ZNF704: variants seen among roughly 807,000 people sequenced by gnomAD.
ZNF704 encodes glucocorticoid induced gene 1.
A neutral mutation model predicts 44.7 loss-of-function variants in ZNF704; 10 were observed. The observed-to-expected ratio is 0.22, with a 90% CI of 0.14 to 0.38. The LOEUF is 0.38. Among genes scored for constraint, ZNF704 ranks in the 10% least tolerant of loss-of-function variants. The pLI, the probability that ZNF704 is intolerant of heterozygous loss-of-function variation, is 1.00. For missense variants in ZNF704, 390 were observed against 545.5 expected, an observed-to-expected ratio of 0.71 and a Z score of 2.84; for synonymous variants, 211 against 207.6, an observed-to-expected ratio of 1.02 and a Z score of -0.14.
At chr8:80,832,739 T>C (rs570352601) in intron 1 of ZNF704, among the ~76,000 whole-genome samples, 3 of 151,214 alleles carry the variant, frequency 2.0e-5, no homozygotes, top group Admixed American at 6.6e-5. Context: ...TAGCAAACAA[T>C]AGGAGGCTAA....
rs1349727942 is a variant in ZNF704, at chr8:80,676,617, TTG to T, written c.559-6016_559-6015del. 2.0e-5 allele frequency among the ~76,000 whole-genome samples: 3 copies of T among 152,184 alleles called. No individual in the cohort carries two copies. In the South Asian group the frequency reaches 6.2e-4, roughly 32 times the overall value. The stretch of plus-strand genomic sequence containing the variant: ...CAGAACTGATGACAAAGAGGGAAGG[TTG>T]TGTATGAAGTTTGAGGATACTTGAG... On this transcript the variant is annotated intron_variant, in intron 4 of 8. Transcript: ENST00000327835.
At chr8:80,696,478 T>C (rs997379153) in intron 2 of ZNF704, among the ~76,000 whole-genome samples, 8 of 152,092 alleles carry the variant, frequency 5.3e-5, no homozygotes, top group Non-Finnish European at 1.0e-4. Context: ...AGTGCAGTGG[T>C]GTTATCTTGC....
At chr8:80,773,702 T>C (rs1170798384) in intron 2 of ZNF704, among the ~76,000 whole-genome samples, 1 of 152,232 alleles carries the variant, frequency 6.6e-6, no homozygotes. Context: ...TGGGTATGAA[T>C]GCTGGATTGA....
chr8:80,844,549 T>A (rs1808736391), intron 1 of ZNF704, among the ~76,000 whole-genome samples: 1 of 152,110 alleles, frequency 6.6e-6, no homozygotes, highest in Non-Finnish European at 1.5e-5. Flanking sequence ...AAACATTCCG[T>A]CTATAGTGCT....
chr8:80,852,423 G>A (rs1808880821), intron 1 of ZNF704, among the ~76,000 whole-genome samples: 1 of 152,088 alleles, frequency 6.6e-6, no homozygotes. Context: ...AATAATTTCT[G>A]TTGCCAATTT....
intron 1 of ZNF704, among the ~76,000 whole-genome samples, chr8:80,857,124 T>C (rs1181138560): frequency 6.6e-6 from 1 of 152,164 alleles, no homozygotes; most frequent in African/African-American, 2.4e-5. Context: ...TGAAATCTCA[T>C]TTTAGCAGTT....
intron 2 of ZNF704, among the ~76,000 whole-genome samples, chr8:80,781,210 G>C (rs986209029): frequency 9.2e-5 from 14 of 152,088 alleles, no homozygotes; most frequent in Non-Finnish European, 1.9e-4. Context: ...CTGAGGTGGG[G>C]CTCAAAAATC....
chr8:80,829,521 C>A (rs1347664099), intron 1 of ZNF704, among the ~76,000 whole-genome samples: 1 of 151,896 alleles, frequency 6.6e-6, no homozygotes, highest in African/African-American at 2.4e-5. Flanking sequence ...TCCCTTGGGG[C>A]CAAATGGATT....
At chr8:80,689,453 T>C (rs1007070529) in intron 3 of ZNF704, among the ~76,000 whole-genome samples, 5 of 152,206 alleles carry the variant, frequency 3.3e-5, no homozygotes, top group African/African-American at 1.2e-4. Flanking sequence ...CCCTGCAGTC[T>C]ACACAGAGAC....
intron 1 of ZNF704, among the ~76,000 whole-genome samples, chr8:80,843,568 C>G (rs879865083): frequency 2.6e-5 from 4 of 152,216 alleles, no homozygotes; most frequent in Non-Finnish European, 5.9e-5. Flanking sequence ...TCCAGGGAAA[C>G]AGCAGACAAG....
rs559067278 is a variant in ZNF704 at position 80,771,297 on chromosome 8, T to C, written c.221+50077A>G. On this transcript the variant is annotated intron_variant, in intron 2 of 8. Transcript: ENST00000327835. Reference sequence around the variant, plus strand: ...AAACCTGTATATATTTTTGTGAGAATTGACTATTATTACTATGTTGAGTCT... The same window carrying C: ...AAACCTGTATATATTTTTGTGAGAACTGACTATTATTACTATGTTGAGTCT... 5.3e-5 allele frequency among the ~76,000 whole-genome samples: 8 copies of C among 150,476 alleles called. No homozygotes were observed. In the East Asian group the frequency reaches 7.7e-4, roughly 14 times the overall value.
At chr8:80,649,878 A>G (rs541153380) in intron 7 of ZNF704, among the ~76,000 whole-genome samples, 15 of 152,198 alleles carry the variant, frequency 9.9e-5, no homozygotes, top group Non-Finnish European at 1.5e-4. Flanking sequence ...AAGTGGGTCC[A>G]TGACCCCCGA....
At chr8:80,676,971 G>A (rs1341181106) in intron 4 of ZNF704, among the ~76,000 whole-genome samples, 2 of 152,184 alleles carry the variant, frequency 1.3e-5, no homozygotes, top group Non-Finnish European at 2.9e-5. Flanking sequence ...CCCGAGGCCC[G>A]GGAGTTGGGG....
Position 80,634,976 on chromosome 8 carries a change from ACT to A in ZNF704, c.*6388_*6389del, listed in dbSNP as rs1196183352. On this transcript the variant is annotated 3_prime_UTR_variant, in exon 9 of 9. Transcript: ENST00000327835. ...CCAAGCCTGTACATGGCTTTCCCTA[ACT>A]CTGTGCATTTCTAGTCCTCAAGTGT... is the stretch of plus-strand genomic sequence containing the variant. 2 of 152,016 alleles carry A rather than the reference ACT, an allele frequency of 1.3e-5. No individual in the cohort carries two copies. The highest frequency in any genetic ancestry group is 4.2e-4 in the South Asian group (2 of 4,814). 9.4% of individuals were successfully genotyped at this position (152,016 alleles called of 1,614,324 possible). A position where few individuals can be genotyped will look rare whatever the true frequency, so the allele number is the denominator to read the frequency against.
At chr8:80,844,245 T>C (rs1198068669) in intron 1 of ZNF704, among the ~76,000 whole-genome samples, 2 of 152,122 alleles carry the variant, frequency 1.3e-5, no homozygotes, top group Non-Finnish European at 2.9e-5. Flanking sequence ...GGGTGGCTTA[T>C]AAACAGAAAT....
chr8:80,752,538 A>C (rs993865579), intron 2 of ZNF704, among the ~76,000 whole-genome samples: 18 of 143,746 alleles, frequency 1.3e-4, no homozygotes, highest in Non-Finnish European at 2.5e-4. Context: ...AAACTTAAAA[A>C]AACTTAAAAA....
chr8:80,868,864 G>A (rs960289431), intron 1 of ZNF704, among the ~76,000 whole-genome samples: 2 of 151,852 alleles, frequency 1.3e-5, no homozygotes, highest in African/African-American at 4.8e-5. Flanking sequence ...TCATACACTT[G>A]CCAACTCTCT....
chr8:80,675,644 A>G (rs1221244908), intron 4 of ZNF704, among the ~76,000 whole-genome samples: 1 of 152,194 alleles, frequency 6.6e-6, no homozygotes, highest in Non-Finnish European at 1.5e-5. Flanking sequence ...GGCAGATCCA[A>G]TAATACTTGC....
At chr8:80,653,541 C>T (rs1817958096) in intron 7 of ZNF704, among the ~76,000 whole-genome samples, 1 of 148,958 alleles carries the variant, frequency 6.7e-6, no homozygotes, top group African/African-American at 2.6e-5. Context: ...TTCTTAAAAC[C>T]AATAACAGAC....
Sources: allele counts gnomAD v4.1 joint callset (sites outside exome capture counted in the v4.1 genomes callset), GRCh38; gene constraint gnomAD v4.1.1; transcripts MANE v1.5; gene names NCBI Gene and HGNC (gene_info 2026-07-23, HGNC 2026-07-21).